The following SPPL3 variants were observed in gnomAD, a reference collection of about 807,000 sequenced individuals.
SPPL3 encodes the protein signal peptide peptidase-like 3.
SPPL3 carries 5 observed loss-of-function variants against 42.4 expected under a neutral mutation model. The observed-to-expected ratio is 0.12, with a 90% CI of 0.06 to 0.25. SPPL3 has a LOEUF of 0.25. Among genes scored for constraint, SPPL3 ranks in the 10% least tolerant of loss-of-function variants. The pLI, the probability that SPPL3 is intolerant of heterozygous loss-of-function variation, is 1.00. For missense variants in SPPL3, 235 were observed against 489.0 expected, an observed-to-expected ratio of 0.48 and a Z score of 4.90; for synonymous variants, 195 against 181.8, an observed-to-expected ratio of 1.07 and a Z score of -0.58.
chr12:120,901,759 G>A (rs1047603706), intron 1 of SPPL3: 16 of 392,708 alleles, frequency 4.1e-5, no homozygotes, highest in Non-Finnish European at 1.0e-5. Context: ...AGCAAACAGA[G>A]CTGACATTGA....
intron 1 of SPPL3, among the ~76,000 whole-genome samples, chr12:120,892,655 T>C (rs1009522418): frequency 6.6e-6 from 1 of 151,952 alleles, no homozygotes; most frequent in Non-Finnish European, 1.5e-5. Flanking sequence ...ATTCCAACAA[T>C]AAAAAACACA....
chr12:120,881,544 C>T (rs1873286673), intron 1 of SPPL3, among the ~76,000 whole-genome samples: 1 of 145,730 alleles, frequency 6.9e-6, no homozygotes, highest in Non-Finnish European at 1.5e-5. Flanking sequence ...TTGAGCAATC[C>T]CACTTCTAGG....
chr12:120,872,933 C>T (rs1872973803), intron 1 of SPPL3, among the ~76,000 whole-genome samples: 1 of 152,118 alleles, frequency 6.6e-6, no homozygotes, highest in African/African-American at 2.4e-5. Flanking sequence ...ACAGCAAATC[C>T]AGTGTTCAGC....
intron 1 of SPPL3, among the ~76,000 whole-genome samples, chr12:120,876,521 G>A (rs948014095): frequency 1.4e-4 from 20 of 146,378 alleles, no homozygotes; most frequent in Non-Finnish European, 1.5e-5. Context: ...GGAGGGTGAG[G>A]CAGGAGAATG....
At position 120,903,989 on chromosome 12, in the gene SPPL3, C is replaced by T. The variant is rs972236553; in HGVS notation, c.-122G>A. 1.3e-5 allele frequency: 11 copies of T among 857,462 alleles called. No individual in the cohort carries two copies. Among genetic ancestry groups the T allele is most frequent in the African/African-American group, 3.5e-5 (2 of 56,388 alleles). The allele number at this position is 857,462 out of a possible 1,614,324, so 53.1% of individuals were successfully genotyped here. A position where few individuals can be genotyped will look rare whatever the true frequency, so the allele number is the denominator to read the frequency against. On this transcript the variant is annotated 5_prime_UTR_variant, in exon 1 of 11. Coordinates refer to ENST00000353487, the MANE Select transcript of SPPL3 (RefSeq NM_139015.5). ...GCTTGCTTGCTTGCTCGCTCGCTGGCTCGCTGGCTGCACGGCGGGCCGGGA... is the reference window on the plus strand; with the variant it reads ...GCTTGCTTGCTTGCTCGCTCGCTGGTTCGCTGGCTGCACGGCGGGCCGGGA...
intron 1 of SPPL3, among the ~76,000 whole-genome samples, chr12:120,833,519 T>A (rs1242608711): frequency 6.6e-6 from 1 of 151,356 alleles, no homozygotes; most frequent in Non-Finnish European, 1.5e-5. Flanking sequence ...AATGAGAGGA[T>A]GGTAGTAGGT....
chr12:120,780,713 C>T (rs1869500371), intron 6 of SPPL3, among the ~76,000 whole-genome samples: 1 of 150,076 alleles, frequency 6.7e-6, no homozygotes, highest in African/African-American at 2.5e-5. Flanking sequence ...CATGGTGAAA[C>T]CCCGTCTCTA....
chr12:120,835,615 G>A (rs760252732), intron 1 of SPPL3: 1 of 152,190 alleles, frequency 6.6e-6, no homozygotes, highest in African/African-American at 2.4e-5. Context: ...CCTCTTAAAA[G>A]ATCTCTTCTA....
At chr12:120,890,091 C>CA (rs1316359804) in intron 1 of SPPL3, among the ~76,000 whole-genome samples, 1 of 151,582 alleles carries the variant, frequency 6.6e-6, no homozygotes, top group Non-Finnish European at 1.5e-5. Context: ...ACTGAAAATA[C>CA]AAAAAAATTA....
chr12:120,812,730 A>C (rs1415986833), intron 1 of SPPL3, among the ~76,000 whole-genome samples: 1 of 152,182 alleles, frequency 6.6e-6, no homozygotes, highest in Non-Finnish European at 1.5e-5. Context: ...AGCAGAATTA[A>C]ATGTGGCCTG....
chr12:120,814,338 A>G (rs1003024765), intron 1 of SPPL3, among the ~76,000 whole-genome samples: 2 of 152,160 alleles, frequency 1.3e-5, no homozygotes, highest in African/African-American at 4.8e-5. Flanking sequence ...GGTAGGAGAC[A>G]TGAAGGCCAC....
At chr12:120,848,104 T>C (rs1488820942) in intron 1 of SPPL3, among the ~76,000 whole-genome samples, 1 of 152,236 alleles carries the variant, frequency 6.6e-6, no homozygotes, top group Non-Finnish European at 1.5e-5. Flanking sequence ...GATTCTGACC[T>C]GCACTACTTA....
intron 6 of SPPL3, among the ~76,000 whole-genome samples, chr12:120,781,555 G>GT (rs527339173): frequency 6.3e-5 from 4 of 62,994 alleles, no homozygotes; most frequent in African/African-American, 2.7e-4. Context: ...TTATTGTTAC[G>GT]TTTTTTTTTT....
intron 1 of SPPL3, among the ~76,000 whole-genome samples, chr12:120,816,361 G>A (rs1870875190): frequency 6.6e-6 from 1 of 152,028 alleles, no homozygotes; most frequent in South Asian, 2.1e-4. Flanking sequence ...ATTGTACATG[G>A]TATTTTATAA....
At chr12:120,767,668 T>C (rs1246645729) in intron 8 of SPPL3, 75 bp from the exon 9 acceptor site, 5 of 1,510,906 alleles carry the variant, frequency 3.3e-6, no homozygotes, top group Non-Finnish European at 4.5e-6. Context: ...CAAAGTTTGT[T>C]AGCTTTTTAA....
intron 1 of SPPL3, among the ~76,000 whole-genome samples, chr12:120,828,207 C>G (rs983414179): frequency 5.9e-5 from 9 of 152,062 alleles, no homozygotes; most frequent in African/African-American, 1.7e-4. Flanking sequence ...GGAAATTAAA[C>G]ACACTCCTAA....
rs369386562 is a variant in SPPL3, at chr12:120,839,061, A to T, written c.24-28175T>A. Among the ~76,000 whole-genome samples, 32 of 152,236 alleles carry T rather than the reference A, an allele frequency of 2.1e-4. No individual in the cohort carries two copies. The East Asian group carries it at 4.3e-3, about 20-fold the overall frequency. On this transcript the variant is annotated intron_variant, in intron 1 of 10. Coordinates refer to ENST00000353487, the MANE Select transcript of SPPL3 (RefSeq NM_139015.5). ...CTGCTATAAAGACACATGCACACGT[A>T]TGTTTATTGTGGCACTCTTCACAAT...
At chr12:120,828,862 T>A (rs572044561) in intron 1 of SPPL3, among the ~76,000 whole-genome samples, 19 of 152,184 alleles carry the variant, frequency 1.2e-4, no homozygotes, top group South Asian at 4.1e-4. Context: ...GCTCAAGAGA[T>A]CCTCTGCCTC....
chr12:120,770,946 C>A (rs1869096680), intron 6 of SPPL3, among the ~76,000 whole-genome samples: 1 of 152,186 alleles, frequency 6.6e-6, no homozygotes, highest in South Asian at 2.1e-4. Flanking sequence ...TCTTCTGTCT[C>A]CAAGCATTTA....
Sources: allele counts gnomAD v4.1 joint callset (sites outside exome capture counted in the v4.1 genomes callset), GRCh38; gene constraint gnomAD v4.1.1; transcripts MANE v1.5; gene names NCBI Gene and HGNC (gene_info 2026-07-23, HGNC 2026-07-21).